Variants in ACSS2 observed in about 807,000 individuals in gnomAD.
ACSS2 encodes acetyl-coenzyme A synthetase, cytoplasmic.
ACSS2 carries 58 observed loss-of-function variants against 90.6 expected under a neutral mutation model. The ratio of observed to expected loss-of-function variants is 0.64; its 90% CI spans 0.52 to 0.80. The LOEUF is 0.80. ACSS2 is among the 30% of genes least tolerant of loss of function. The probability of loss-of-function intolerance (pLI) is 0.00; values close to 1 mark genes in which losing one functional copy is unlikely to be tolerated. For synonymous variants in ACSS2, 300 were observed against 330.9 expected (o/e 0.91, Z 1.01); for missense variants, 759 against 912.0 (o/e 0.83, Z 2.16).
chr20:34,925,215 T>C (rs1038394782), intron 14 of ACSS2, among the ~76,000 whole-genome samples: 3 of 152,126 alleles, frequency 2.0e-5, no homozygotes. Flanking sequence ...GGGTCTCTTG[T>C]GAGTTTCAGT....
chr20:34,895,045 G>A (rs538070826), intron 2 of ACSS2, among the ~76,000 whole-genome samples: 5 of 152,210 alleles, frequency 3.3e-5, no homozygotes, highest in Non-Finnish European at 7.4e-5. Context: ...CTGATGTTGG[G>A]GGGAGGGACA....
At position 34,922,193 on chromosome 20, in the gene ACSS2, G is replaced by A. The variant is rs543719835; in HGVS notation, c.1548+327G>A. ...GCTTTATAACATAGTAGAAAATCAC[G>A]TAGGATCTGGAGTCACCCTGCCTGG... On this transcript the variant is annotated intron_variant, in intron 13 of 17. Transcript: ENST00000360596. The A allele has an allele frequency of 2.7e-5, 7 of 259,446 alleles. No homozygotes were observed. The East Asian group carries it at 2.9e-4, about 11-fold the overall frequency. 16.1% of individuals were successfully genotyped at this position (259,446 alleles called of 1,614,324 possible).
At position 34,926,263 on chromosome 20, in the gene ACSS2, G is replaced by A. The variant is rs376823511; in HGVS notation, c.1885G>A (p.Glu629Lys). Residue 629 changes from glutamate to lysine, a missense_variant, in exon 16 of 18, where the codon GAG becomes AAG. Glu to Lys is a moderately conservative substitution (Grantham distance 56). Coordinates refer to ENST00000360596, the MANE Select transcript of ACSS2 (RefSeq NM_018677.4). ...CCACACCTTCAGCCCCAAGCTCACC[G>A]AGGAGCTCAAGAAGCAGAGTAAGGA... ...DGHTFSPKLT[E>K]ELKKQIREKI... The A allele has an allele frequency of 1.2e-5, 19 of 1,613,784 alleles. No individual in the cohort carries two copies. In the Admixed American group the frequency reaches 1.3e-4, roughly 11 times the overall value.
At chr20:34,897,080 G>T (rs2080482449) in intron 2 of ACSS2, among the ~76,000 whole-genome samples, 1 of 151,588 alleles carries the variant, frequency 6.6e-6, no homozygotes, top group African/African-American at 2.4e-5. Context: ...AATGAATAGT[G>T]CTTAATCTTT....
chr20:34,906,513 A>G (rs1333836890), intron 2 of ACSS2, among the ~76,000 whole-genome samples: 1 of 152,060 alleles, frequency 6.6e-6, no homozygotes, highest in Non-Finnish European at 1.5e-5. Flanking sequence ...ACTTGAGCCC[A>G]TAGCCAAGGA....
At chr20:34,908,993 TTAAA>T (rs1021173331) in intron 2 of ACSS2, 8 of 426,756 alleles carry the variant, frequency 1.9e-5, no homozygotes, top group African/African-American at 1.7e-4. Context: ...CATTTATTTG[TTAAA>T]TAAATTACAG....
chr20:34,878,927 C>T (rs2079993668), intron 1 of ACSS2, among the ~76,000 whole-genome samples: 1 of 125,988 alleles, frequency 7.9e-6, no homozygotes, highest in Non-Finnish European at 1.6e-5. Context: ...TTTTTTGAGA[C>T]GGAGTCTCGC....
intron 2 of ACSS2, among the ~76,000 whole-genome samples, chr20:34,905,346 C>G (rs2080772036): frequency 6.6e-6 from 1 of 151,356 alleles, no homozygotes; most frequent in South Asian, 2.1e-4. Flanking sequence ...GATCTTGGCT[C>G]ACTGCAAGCT....
Position 34,927,257 on chromosome 20 carries a change from T to C in ACSS2, c.*43T>C. 8 of 1,607,676 alleles carry C rather than the reference T, an allele frequency of 5.0e-6. No individual in the cohort carries two copies. Among genetic ancestry groups the C allele is most frequent in the Admixed American group, 1.7e-5 (1 of 60,004 alleles). On this transcript the variant is annotated 3_prime_UTR_variant, in exon 18 of 18. Transcript: ENST00000360596. This position sits in a 1 kb window ranked among gnomAD's most constrained non-coding sequence, Gnocchi z 4.2. ...ACCTAGGATTCCTCCTGCTCCAAAC[T>C]TTGCCCATCCTCTTTGCCCCCTCAG...
intron 2 of ACSS2, among the ~76,000 whole-genome samples, chr20:34,899,763 A>C (rs1357881728): frequency 6.6e-6 from 1 of 152,078 alleles, no homozygotes; most frequent in Non-Finnish European, 1.5e-5. Context: ...CTGGGATTAC[A>C]GGCATGAGTC....
upstream of ACSS2, chr20:34,876,531 C>T: frequency 8.2e-7 from 1 of 1,223,224 alleles, no homozygotes; most frequent in Non-Finnish European, 1.0e-6. Flanking sequence ...AGCCACTCCC[C>T]CACTCACCAG....
Position 34,914,157 on chromosome 20 carries a change from G to A in ACSS2, c.705G>A (p.Gln235=). 1 of 1,614,202 alleles carries A rather than the reference G, an allele frequency of 6.2e-7. No individual in the cohort carries two copies. Among genetic ancestry groups the A allele is most frequent in the Non-Finnish European group, 8.5e-7 (1 of 1,180,020 alleles). Reference sequence around the variant, plus strand: ...AGGAGCTGGCTGACGAGGCCCTGCAGAAGTGTCAGGAGAAGTAAGTGTGTT... The same window carrying A: ...AGGAGCTGGCTGACGAGGCCCTGCAAAAGTGTCAGGAGAAGTAAGTGTGTT... ...NLKELADEAL[Q]KCQEKGFPVR... is the part of the protein sequence containing the mutation. Residue 235 remains glutamine (Q), a synonymous_variant, in exon 6 of 18, where the codon CAG becomes CAA. Coordinates refer to ENST00000360596, the MANE Select transcript of ACSS2 (RefSeq NM_018677.4).
At chr20:34,885,272 T>C (rs1173989235) in intron 2 of ACSS2, among the ~76,000 whole-genome samples, 4 of 152,080 alleles carry the variant, frequency 2.6e-5, no homozygotes, top group African/African-American at 9.7e-5. Flanking sequence ...AGGAAATGCT[T>C]GTATCTGAAT....
At chr20:34,920,788 T>C (rs2081179547) in intron 9 of ACSS2, 79 bp downstream of exon 9, 1 of 1,515,756 alleles carries the variant, frequency 6.6e-7, no homozygotes, top group Non-Finnish European at 8.9e-7. Flanking sequence ...CTGCTTGGTC[T>C]AGAGGGAGGG....
chr20:34,883,318 CACT>C (rs1464507664), intron 2 of ACSS2, among the ~76,000 whole-genome samples: 2 of 152,170 alleles, frequency 1.3e-5, no homozygotes, highest in Non-Finnish European at 2.9e-5. Flanking sequence ...TTTTCACCAC[CACT>C]ACTACCACTA....
chr20:34,905,067 G>T (rs2080764180), intron 2 of ACSS2, among the ~76,000 whole-genome samples: 1 of 151,774 alleles, frequency 6.6e-6, no homozygotes, highest in East Asian at 1.9e-4. Flanking sequence ...ATAGGCATTA[G>T]CTACCATGCT....
At chr20:34,898,984 G>C (rs984334391) in intron 2 of ACSS2, among the ~76,000 whole-genome samples, 3 of 152,236 alleles carry the variant, frequency 2.0e-5, no homozygotes, top group African/African-American at 7.2e-5. Context: ...GAAATGGAGC[G>C]CAGTGCTGGT....
chr20:34,878,320 A>G (rs759437596), intron 1 of ACSS2, among the ~76,000 whole-genome samples: 6 of 152,194 alleles, frequency 3.9e-5, no homozygotes, highest in Non-Finnish European at 7.3e-5. Flanking sequence ...AAATCCAGAA[A>G]AATCTAGATT....
At chr20:34,881,880 C>T (rs1382960363) in intron 1 of ACSS2, among the ~76,000 whole-genome samples, 1 of 152,136 alleles carries the variant, frequency 6.6e-6, no homozygotes, top group African/African-American at 2.4e-5. Context: ...TAGTGAATAA[C>T]ACTTATATAA....
Sources: gnomAD v4.1 joint callset for allele counts (sites outside exome capture counted in the v4.1 genomes callset) on GRCh38, gnomAD v4.1.1 for gene constraint, Gnocchi (gnomAD v3.1) non-coding constraint, MANE v1.5 for transcripts, NCBI Gene and HGNC (gene_info 2026-07-23, HGNC 2026-07-21) for gene names.